FBXL2: variants seen among roughly 807,000 people sequenced by gnomAD.
FBXL2 encodes F-box/LRR-repeat protein 2.
FBXL2 carries 38 observed loss-of-function variants against 69.2 expected under a neutral mutation model. The ratio of observed to expected loss-of-function variants is 0.55; its 90% CI spans 0.42 to 0.72. The LOEUF (loss-of-function observed/expected upper bound fraction) is 0.72. Among genes scored for constraint, FBXL2 ranks in the 30% least tolerant of loss-of-function variants. FBXL2 has a pLI of 0.00. For synonymous variants in FBXL2, 192 were observed against 201.3 expected (o/e 0.95, Z 0.39); for missense variants, 354 against 520.3 (o/e 0.68, Z 3.11).
chr3:33,420,874 C>T, the FBXL2 span, among the ~76,000 whole-genome samples: 4 of 152,140 alleles, frequency 2.6e-5, no homozygotes, highest in East Asian at 5.8e-4. Flanking sequence ...CCACCCTCTT[C>T]GGCCTCCCAA....
At chr3:33,363,423 A>T (rs965779395) in intron 4 of FBXL2, among the ~76,000 whole-genome samples, 7 of 152,210 alleles carry the variant, frequency 4.6e-5, no homozygotes, top group African/African-American at 1.7e-4. Flanking sequence ...TGAGGATAAC[A>T]TTATTCAAAA....
At chr3:33,418,705 A>C in the FBXL2 span, among the ~76,000 whole-genome samples, 1 of 151,806 alleles carries the variant, frequency 6.6e-6, no homozygotes, top group East Asian at 2.0e-4. Flanking sequence ...CTAAAAATAC[A>C]AAAATTAGCT....
chr3:33,339,704 G>T (rs1387268548), intron 2 of FBXL2, among the ~76,000 whole-genome samples: 1 of 151,982 alleles, frequency 6.6e-6, no homozygotes, highest in Non-Finnish European at 1.5e-5. Context: ...AACCCAAAAT[G>T]AAAGTTGGAA....
At chr3:33,401,152 G>T in intron 12 of FBXL2, 1 of 688,964 alleles carries the variant, frequency 1.5e-6, no homozygotes. Context: ...ATGAAAGTCT[G>T]CAACAAAATG....
At chr3:33,373,193 G>C in intron 6 of FBXL2, 33 bp downstream of exon 6, 1 of 1,611,246 alleles carries the variant, frequency 6.2e-7, no homozygotes, top group Non-Finnish European at 8.5e-7. Flanking sequence ...TGACCAAATA[G>C]CCACGGGGAG....
At chr3:33,416,498 GT>G in the FBXL2 span, among the ~76,000 whole-genome samples, 36 of 152,214 alleles carry the variant, frequency 2.4e-4, 1 homozygote, top group Middle Eastern at 0.024. Context: ...AGGCTTATAG[GT>G]TTTTGTTGTG....
Position 33,374,578 on chromosome 3 carries a change from C to A in FBXL2, c.657+657C>A, listed in dbSNP as rs541917306. Among the ~76,000 whole-genome samples the A allele has an allele frequency of 1.8e-4, 27 of 152,226 alleles. 2 individuals are homozygous for A. In the South Asian group the frequency reaches 5.4e-3, roughly 30 times the overall value. ...GAGTCCCTAGTGGTGGGGAAAAAAA[C>A]CAGAAACTATCTTATGGACAAACGT... On this transcript the variant is annotated intron_variant, in intron 9 of 14. Coordinates refer to ENST00000484457, the MANE Select transcript of FBXL2 (RefSeq NM_012157.5).
intron 2 of FBXL2, among the ~76,000 whole-genome samples, chr3:33,315,990 G>T (rs1188994560): frequency 6.6e-6 from 1 of 151,278 alleles, no homozygotes; most frequent in Non-Finnish European, 1.5e-5. Context: ...CTCATTTCCT[G>T]ACTTTCTTCT....
chr3:33,298,485 A>G (rs753847738), intron 2 of FBXL2, among the ~76,000 whole-genome samples: 9 of 152,044 alleles, frequency 5.9e-5, no homozygotes, highest in Non-Finnish European at 1.0e-4. Context: ...CAGCCTGGCC[A>G]ATGTGGTGAA....
intron 2 of FBXL2, among the ~76,000 whole-genome samples, chr3:33,338,001 G>T (rs2039721972): frequency 6.6e-6 from 1 of 152,138 alleles, no homozygotes; most frequent in African/African-American, 2.4e-5. Context: ...GCTCATGGAT[G>T]GGAAGAATCA....
chr3:33,422,490 G>A, the FBXL2 span, among the ~76,000 whole-genome samples: 1 of 152,158 alleles, frequency 6.6e-6, no homozygotes, highest in Non-Finnish European at 1.5e-5. Flanking sequence ...GCCAAGGCAG[G>A]AAGATCGTTT....
downstream of FBXL2, chr3:33,391,496 C>G (rs2043762032): frequency 6.6e-6 from 1 of 152,180 alleles, no homozygotes; most frequent in Non-Finnish European, 1.5e-5. Flanking sequence ...CATCTCAAGC[C>G]CAGGCCTCTT....
intron 12 of FBXL2, among the ~76,000 whole-genome samples, chr3:33,401,285 T>TCC (rs1241557422): frequency 6.6e-6 from 1 of 152,122 alleles, no homozygotes; most frequent in African/African-American, 2.4e-5. Flanking sequence ...CAAAAGGGCT[T>TCC]CCCCAATTAT....
chr3:33,403,584 G>GTCTGTCTGTCTGTCTA (rs60697427), exon 13 of FBXL2: 1 of 148,878 alleles, frequency 6.7e-6, no homozygotes, highest in African/African-American at 2.5e-5. Context: ...CTGTCTGTCT[G>GTCTGTCTGTCTGTCTA]TCTATCTATC....
At position 33,401,998 on chromosome 3, in the gene FBXL2, C is replaced by T. The variant is rs568879311; in HGVS notation, n.1215-1236C>T. Among the ~76,000 whole-genome samples, 4 of 149,850 alleles carry T rather than the reference C, an allele frequency of 2.7e-5. No homozygotes were observed. The East Asian group carries it at 7.7e-4, about 29-fold the overall frequency. On this transcript the variant is annotated intron_variant and non_coding_transcript_variant, in intron 12 of 12. Transcript: ENST00000463736. The stretch of plus-strand genomic sequence containing the variant: ...CAACAAGCTGCCTTCTCAGTTTATC[C>T]ATCTCCTCAGGGGGAGAGCACATTT...
rs755659243 is a variant in FBXL2 at position 33,377,362 on chromosome 3, A to G, written c.849+29A>G. 1.7e-5 allele frequency: 28 copies of G among 1,608,316 alleles called. No homozygotes were observed. In the Admixed American group the frequency reaches 2.8e-4, roughly 16 times the overall value. ...AGGCATAGATTTAAAGAATACAACC[A>G]AACTCTAATTCACCTCCCGAATTCA... On this transcript the variant is annotated intron_variant, in intron 11 of 14. Coordinates refer to ENST00000484457, the MANE Select transcript of FBXL2 (RefSeq NM_012157.5).
At chr3:33,379,150 C>T (rs575714380) in intron 13 of FBXL2, among the ~76,000 whole-genome samples, 11 of 152,066 alleles carry the variant, frequency 7.2e-5, no homozygotes, top group East Asian at 1.9e-4. Context: ...TACAAACATG[C>T]GCCACCATGC....
intron 12 of FBXL2, among the ~76,000 whole-genome samples, chr3:33,395,490 A>C (rs17030579): frequency 6.6e-6 from 1 of 151,740 alleles, no homozygotes; most frequent in Non-Finnish European, 1.5e-5. Flanking sequence ...AAGAGGGAGA[A>C]GCCAAGATTA....
chr3:33,384,049 T>G lies in FBXL2; in HGVS notation c.1012T>G (p.Cys338Gly). Residue 338 changes from cysteine to glycine, a missense_variant, in exon 14 of 15, where the codon TGT becomes GGT. Transcript: ENST00000484457. Reference protein sequence around the residue: ...DGILHLSNSTCGHERLRVLEL... With the variant: ...DGILHLSNSTGGHERLRVLEL... ...GATCCTGCACCTGAGCAACAGTACCTGTGGCCATGAGAGGCTGCGGGTACT... is the reference window on the plus strand; with the variant it reads ...GATCCTGCACCTGAGCAACAGTACCGGTGGCCATGAGAGGCTGCGGGTACT... 6.2e-7 allele frequency: 1 copy of G among 1,614,170 alleles called. No homozygotes were observed. Among genetic ancestry groups the G allele is most frequent in the African/African-American group, 1.3e-5 (1 of 75,052 alleles).
Sources: gnomAD v4.1 joint callset for allele counts (sites outside exome capture counted in the v4.1 genomes callset) on GRCh38, gnomAD v4.1.1 for gene constraint, MANE v1.5 for transcripts, NCBI Gene and HGNC (gene_info 2026-07-23, HGNC 2026-07-21) for gene names.